The following STARD13 variants were observed in gnomAD, a reference collection of about 807,000 sequenced individuals.
STARD13 encodes StAR related lipid transfer domain containing 13, also known as stAR-related lipid transfer protein 13.
Under a neutral mutation model 106.4 loss-of-function variants are expected in STARD13, and 62 were observed. The ratio of observed to expected loss-of-function variants is 0.58; its 90% confidence interval spans 0.48 to 0.72. The LOEUF (loss-of-function observed/expected upper bound fraction) is 0.72, where lower values mean the gene tolerates loss of function less well. Ranked by LOEUF, STARD13 falls within the 30% of genes least tolerant of loss-of-function variation. The pLI is 0.00. For synonymous variants in STARD13, 565 were observed against 553.0 expected, an observed-to-expected ratio of 1.02 and a Z score of -0.31; for missense variants, 1,387 against 1,424.0, an observed-to-expected ratio of 0.97 and a Z score of 0.42.
chr13:33,602,909 T>A, the STARD13 span, among the ~76,000 whole-genome samples: 1 of 152,090 alleles, frequency 6.6e-6, no homozygotes, highest in Admixed American at 6.5e-5. Context: ...TGTAGAAAAA[T>A]TGTCTTCCAC....
intron 1 of STARD13, chr13:33,350,152 G>A: frequency 8.2e-7 from 1 of 1,216,598 alleles, no homozygotes; most frequent in South Asian, 2.5e-5. Flanking sequence ...GGTGGTGCCC[G>A]CAGCCCGCTC....
rs145190909 is a variant in STARD13, at chr13:33,204,463, C to T, written c.170-36841G>A. On this transcript the variant is annotated intron_variant, in intron 1 of 13. Coordinates refer to ENST00000336934, the MANE Select transcript of STARD13 (RefSeq NM_178006.4). ...TGAAAAGACAGTACGACAAAATCTT[C>T]AACTTTCAGTTTCTGATTTCCCCAA... 1.9e-3 allele frequency among the ~76,000 whole-genome samples: 293 copies of T among 152,282 alleles called. 1 individual carries two copies. The highest frequency in any genetic ancestry group is 6.6e-3 in the African/African-American group (275 of 41,568).
the STARD13 span, among the ~76,000 whole-genome samples, chr13:33,513,036 T>C: frequency 6.6e-6 from 1 of 152,194 alleles, no homozygotes; most frequent in African/African-American, 2.4e-5. Context: ...TGTTTATATA[T>C]TGTCTACAGC....
chr13:33,130,125 C>G lies in STARD13; in HGVS notation c.552G>C (p.Glu184Asp), dbSNP rs1478548596. ...GCTCGCTCAGGTCTGTGAGGACGCT[C>G]TCACTGCTGGTCGTGTTCCTCATCC... ...GTGMRNTTSS[E>D]SVLTDLSEPE... Residue 184 changes from glutamate (E) to aspartate (D), a missense_variant, in exon 5 of 14, where the codon GAG (glutamate) becomes GAC (aspartate). Glu to Asp is a conservative substitution (Grantham distance 45, BLOSUM62 2). Transcript: ENST00000336934. The surrounding 1 kb of genome is among the most constrained non-coding windows in gnomAD (Gnocchi z 4.1). 6.2e-7 allele frequency: 1 copy of G among 1,614,134 alleles called. No individual in the cohort carries two copies. Among genetic ancestry groups the G allele is most frequent in the Non-Finnish European group, 8.5e-7 (1 of 1,180,026 alleles).
At chr13:33,301,749 T>C (rs909988236) in intron 1 of STARD13, among the ~76,000 whole-genome samples, 1 of 151,998 alleles carries the variant, frequency 6.6e-6, no homozygotes, top group Admixed American at 6.6e-5. Flanking sequence ...TTTGTATTTT[T>C]GGTAGAGACA....
At chr13:33,143,564 G>GTTTA (rs1880126198) in intron 3 of STARD13, among the ~76,000 whole-genome samples, 2 of 151,036 alleles carry the variant, frequency 1.3e-5, no homozygotes, top group African/African-American at 4.9e-5. Context: ...TTGTTTGTTT[G>GTTTA]TTTTTTGAGA....
At chr13:33,453,192 C>T in the STARD13 span, among the ~76,000 whole-genome samples, 1 of 152,208 alleles carries the variant, frequency 6.6e-6, no homozygotes, top group South Asian at 2.1e-4. Flanking sequence ...TTTAATGCTT[C>T]ATTTTCTTTA....
At chr13:33,526,840 A>G in the STARD13 span, among the ~76,000 whole-genome samples, 17 of 152,152 alleles carry the variant, frequency 1.1e-4, no homozygotes, top group African/African-American at 3.9e-4. Flanking sequence ...TGATTAAAGA[A>G]TAATGAAAAT....
the STARD13 span, among the ~76,000 whole-genome samples, chr13:33,571,336 A>G: frequency 6.6e-6 from 1 of 152,208 alleles, no homozygotes; most frequent in Non-Finnish European, 1.5e-5. Context: ...TTCAATCCAT[A>G]AAATTAGTAT....
chr13:33,665,265 T>C, the STARD13 span, among the ~76,000 whole-genome samples: 1 of 152,198 alleles, frequency 6.6e-6, no homozygotes, highest in Non-Finnish European at 1.5e-5. Context: ...ATTTATGCAA[T>C]AAATTTTCAA....
At chr13:33,601,680 C>T in the STARD13 span, among the ~76,000 whole-genome samples, 1 of 152,204 alleles carries the variant, frequency 6.6e-6, no homozygotes, top group African/African-American at 2.4e-5. Flanking sequence ...TGGGATTAAA[C>T]CTGAGTGTTC....
chr13:33,254,499 T>C (rs1433511180), intron 1 of STARD13, among the ~76,000 whole-genome samples: 1 of 152,204 alleles, frequency 6.6e-6, no homozygotes, highest in Non-Finnish European at 1.5e-5. Flanking sequence ...AAATATTGGA[T>C]ACCAGGGGGT....
At chr13:33,584,083 G>T in the STARD13 span, among the ~76,000 whole-genome samples, 1 of 152,108 alleles carries the variant, frequency 6.6e-6, no homozygotes, top group Non-Finnish European at 1.5e-5. Context: ...ACTCCCACAA[G>T]CAGTGCACAA....
the STARD13 span, among the ~76,000 whole-genome samples, chr13:33,364,929 A>G: frequency 6.6e-6 from 1 of 152,196 alleles, no homozygotes; most frequent in Non-Finnish European, 1.5e-5. Context: ...GGTATGCATG[A>G]GAAAAGAAAG....
chr13:33,505,059 C>A, the STARD13 span, among the ~76,000 whole-genome samples: 1 of 152,170 alleles, frequency 6.6e-6, no homozygotes, highest in Non-Finnish European at 1.5e-5. Context: ...ACTCCCTGTC[C>A]TAAGTCTGTG....
chr13:33,118,180 G>T lies in STARD13; in HGVS notation c.2166C>A (p.Asn722Lys). The change falls in exon 8 of 14, where the codon AAC becomes AAA. Residue 722 changes from asparagine (N) to lysine (K), a missense_variant. Asn to Lys is a moderately conservative substitution (Grantham distance 94, BLOSUM62 0). Coordinates refer to ENST00000336934, the MANE Select transcript of STARD13 (RefSeq NM_178006.4). ...QMNENFPENV[N>K]YEDQSAYDVA... ...CATCATAAGCAGACTGGTCTTCATAGTTGACGTTCTCAGGGAAGTTTTCAT... is the reference window on the plus strand; with the variant it reads ...CATCATAAGCAGACTGGTCTTCATATTTGACGTTCTCAGGGAAGTTTTCAT... 6.2e-7 allele frequency: 1 copy of T among 1,614,180 alleles called. No individual in the cohort carries two copies. The highest frequency in any genetic ancestry group is 8.5e-7 in the Non-Finnish European group (1 of 1,180,028).
intron 3 of STARD13, among the ~76,000 whole-genome samples, chr13:33,160,388 C>T (rs1307419676): frequency 6.6e-6 from 1 of 152,018 alleles, no homozygotes; most frequent in African/African-American, 2.4e-5. Context: ...CTATGTTAGG[C>T]AAATATTTCT....
chr13:33,122,414 GC>G lies in STARD13; in HGVS notation c.2082+3666del, dbSNP rs200974753. Among the ~76,000 whole-genome samples the G allele has an allele frequency of 4.2e-3, 646 of 152,330 alleles. 7 individuals are homozygous for G. The highest frequency in any genetic ancestry group is 0.015 in the African/African-American group (609 of 41,576). On this transcript the variant is annotated intron_variant, in intron 7 of 13. Coordinates refer to ENST00000336934, the MANE Select transcript of STARD13 (RefSeq NM_178006.4). The stretch of plus-strand genomic sequence containing the variant: ...TGTGTCTGTCACCCATGGACGGGCA[GC>G]CTGGGCCATCACACAGGGTCTCACA...
intron 1 of STARD13, among the ~76,000 whole-genome samples, chr13:33,294,271 A>C (rs2138441351): frequency 6.6e-6 from 1 of 152,336 alleles, no homozygotes; most frequent in Non-Finnish European, 1.5e-5. Flanking sequence ...ACCTCTTCTG[A>C]GGGACTTCAG....
Sources: allele counts gnomAD v4.1 joint callset (sites outside exome capture counted in the v4.1 genomes callset), GRCh38; gene constraint gnomAD v4.1.1; non-coding constraint Gnocchi (gnomAD v3.1); transcripts MANE v1.5; gene names NCBI Gene and HGNC (gene_info 2026-07-23, HGNC 2026-07-21).